LPAR3: variants seen among roughly 807,000 people sequenced by gnomAD.
LPAR3 encodes the protein LPA receptor 3.
In LPAR3, 7 loss-of-function variants were observed where a neutral mutation model predicts 17.8. That is an observed-to-expected ratio of 0.39 (90% CI 0.22 to 0.74). The LOEUF (loss-of-function observed/expected upper bound fraction) is 0.74, where lower values mean the gene tolerates loss of function less well. Among genes scored for constraint, LPAR3 ranks in the 30% least tolerant of loss-of-function variants. LPAR3 has a pLI of 0.40. For missense variants in LPAR3, 391 were observed against 453.4 expected (o/e 0.86, Z 1.25); for synonymous variants, 179 against 179.9 (o/e 0.99, Z 0.04).
At chr1:84,838,446 A>G (rs186092113) in intron 2 of LPAR3, among the ~76,000 whole-genome samples, 1 of 152,304 alleles carries the variant, frequency 6.6e-6, no homozygotes, top group East Asian at 1.9e-4. Context: ...GTTGTCCAGG[A>G]TAGAAATTTG....
rs551926693 is a variant in LPAR3, at chr1:84,884,752, C to A, written c.-19+8264G>T. Among the ~76,000 whole-genome samples the A allele has an allele frequency of 6.6e-5, 10 of 152,296 alleles. No homozygotes were observed. The South Asian group carries it at 2.1e-3, about 32-fold the overall frequency. Reference sequence around the variant, plus strand: ...TGTACGAAACTGGGGCAAAAATGAACTCAGAAAGACAAGTAATAACCTGGT... The same window carrying A: ...TGTACGAAACTGGGGCAAAAATGAAATCAGAAAGACAAGTAATAACCTGGT... On this transcript the variant is annotated intron_variant, in intron 1 of 2. Coordinates refer to ENST00000370611, the MANE Select transcript of LPAR3 (RefSeq NM_012152.3).
chr1:84,858,897 G>C (rs989834598), intron 2 of LPAR3, among the ~76,000 whole-genome samples: 3 of 152,316 alleles, frequency 2.0e-5, no homozygotes, highest in African/African-American at 7.2e-5. Flanking sequence ...TACTCCAGTA[G>C]GGCAAAGGAA....
intron 2 of LPAR3, among the ~76,000 whole-genome samples, chr1:84,829,152 A>ATTTTTTTTTTTTTTTT: frequency 1.8e-5 from 1 of 55,526 alleles, no homozygotes; most frequent in Non-Finnish European, 3.0e-5. Context: ...CCTCTCTGCA[A>ATTTTTTTTTTTTTTTT]TTTTTTTTTT....
chr1:84,866,244 TGA>T, intron 1 of LPAR3, 106 bp from the exon 2 acceptor site: 6 of 794,246 alleles, frequency 7.6e-6, no homozygotes, highest in Non-Finnish European at 1.0e-5. Context: ...TCAAGGGAGT[TGA>T]AGACCTGAAG....
intron 1 of LPAR3, among the ~76,000 whole-genome samples, chr1:84,888,981 G>A (rs1021685476): frequency 6.6e-5 from 10 of 152,184 alleles, no homozygotes; most frequent in Admixed American, 1.3e-4. Flanking sequence ...CCAGCCTGAG[G>A]TGTACAAATG....
chr1:84,815,427 C>T (rs552825829), intron 2 of LPAR3, among the ~76,000 whole-genome samples: 5 of 152,220 alleles, frequency 3.3e-5, no homozygotes, highest in East Asian at 3.9e-4. Flanking sequence ...ACAGAGAAGA[C>T]GACAAACAAG....
At chr1:84,819,343 CT>C (rs1659006625) in intron 2 of LPAR3, among the ~76,000 whole-genome samples, 2 of 152,162 alleles carry the variant, frequency 1.3e-5, no homozygotes, top group Admixed American at 1.3e-4. Context: ...GTTTTTCAAA[CT>C]TTTGACCAAG....
At chr1:84,841,063 AC>A (rs1365156858) in intron 2 of LPAR3, among the ~76,000 whole-genome samples, 2 of 152,228 alleles carry the variant, frequency 1.3e-5, no homozygotes, top group African/African-American at 4.8e-5. Context: ...TGAAACAGTT[AC>A]CAGACCTTTT....
intron 2 of LPAR3, among the ~76,000 whole-genome samples, chr1:84,820,494 AG>A (rs1659032815): frequency 6.6e-6 from 1 of 152,228 alleles, no homozygotes; most frequent in Non-Finnish European, 1.5e-5. Flanking sequence ...GACTGTGCAC[AG>A]GTGAGAAATA....
chr1:84,826,485 G>A (rs966873121), intron 2 of LPAR3, among the ~76,000 whole-genome samples: 1 of 151,708 alleles, frequency 6.6e-6, no homozygotes, highest in Non-Finnish European at 1.5e-5. Flanking sequence ...AGTAAACTCA[G>A]CTATATCTAG....
At chr1:84,823,672 T>C (rs1056709165) in intron 2 of LPAR3, among the ~76,000 whole-genome samples, 9 of 152,332 alleles carry the variant, frequency 5.9e-5, no homozygotes, top group African/African-American at 1.9e-4. Flanking sequence ...CTAATTCTAG[T>C]GTTTAACTAC....
intron 2 of LPAR3, among the ~76,000 whole-genome samples, chr1:84,863,751 C>G (rs1342721805): frequency 1.3e-5 from 2 of 152,170 alleles, no homozygotes; most frequent in African/African-American, 4.8e-5. Flanking sequence ...ATTGCCACAC[C>G]CCTTGGATGT....
intron 1 of LPAR3, among the ~76,000 whole-genome samples, chr1:84,890,824 C>G (rs12143551): frequency 0.048 from 7,276 of 152,320 alleles, 199 homozygotes; most frequent in Non-Finnish European, 0.066. Context: ...TAAGTTATCA[C>G]GCACTGCTGC....
intron 2 of LPAR3, among the ~76,000 whole-genome samples, chr1:84,829,152 A>ATTTTTTT (rs56095946): frequency 5.4e-5 from 3 of 55,550 alleles, no homozygotes; most frequent in Non-Finnish European, 8.9e-5. Context: ...CCTCTCTGCA[A>ATTTTTTT]TTTTTTTTTT....
intron 2 of LPAR3, among the ~76,000 whole-genome samples, chr1:84,830,516 C>G (rs768019581): frequency 2.8e-4 from 42 of 152,022 alleles, no homozygotes; most frequent in Non-Finnish European, 5.9e-4. Flanking sequence ...CCAACGTTTC[C>G]CATTCCACAG....
intron 1 of LPAR3, among the ~76,000 whole-genome samples, chr1:84,892,256 AATAAAAAC>A (rs1321743451): frequency 7.0e-5 from 10 of 142,574 alleles, no homozygotes; most frequent in African/African-American, 2.4e-4. Flanking sequence ...TAAATAAATA[AATAAAAAC>A]TAACCTACAA....
rs140444859 is a variant in LPAR3 at position 84,813,953 on chromosome 1, G to A, written c.955C>T (p.Arg319Cys). 134 of 1,614,020 alleles carry A rather than the reference G, an allele frequency of 8.3e-5. No individual in the cohort carries two copies. Among genetic ancestry groups the A allele is most frequent in the South Asian group, 1.2e-4 (11 of 91,072 alleles). Residue 319 changes from arginine (R) to cysteine (C), a missense_variant, in exon 3 of 3, where the codon CGT (arginine) becomes TGT (cysteine). Physicochemically the swap from Arg to Cys is radical, Grantham distance 180. Transcript: ENST00000370611. Reference protein sequence around the residue: ...CCFSQENPERRPSRIPSTVLS... With the variant: ...CCFSQENPERCPSRIPSTVLS... ...ACTGTGGAGGGGATGCGAGAGGGAC[G>A]CCTCTCTGGGTTCTCCTGAGAGAAG...
intron 1 of LPAR3, among the ~76,000 whole-genome samples, chr1:84,867,999 A>G (rs530470003): frequency 6.6e-6 from 1 of 152,314 alleles, no homozygotes; most frequent in Non-Finnish European, 1.5e-5. Context: ...ATCTTTATAT[A>G]TCTAGCCAAT....
At chr1:84,846,107 A>G (rs2102756584) in intron 2 of LPAR3, among the ~76,000 whole-genome samples, 1 of 152,328 alleles carries the variant, frequency 6.6e-6, no homozygotes, top group Middle Eastern at 3.4e-3. Context: ...CCGGTACCAC[A>G]GGTCCAGTAA....
Sources: allele counts gnomAD v4.1 joint callset (sites outside exome capture counted in the v4.1 genomes callset), GRCh38; gene constraint gnomAD v4.1.1; transcripts MANE v1.5; gene names NCBI Gene and HGNC (gene_info 2026-07-23, HGNC 2026-07-21).